UNC13C: variants seen among roughly 807,000 people sequenced by gnomAD.
UNC13C encodes the protein unc-13 homolog C.
UNC13C carries 174 observed loss-of-function variants against 245.4 expected under a neutral mutation model. That is an observed-to-expected ratio of 0.71 (90% CI 0.63 to 0.80). The LOEUF is 0.80. Ranked by LOEUF, UNC13C falls within the 30% of genes least tolerant of loss-of-function variation. UNC13C has a pLI of 0.00. For synonymous variants in UNC13C, 992 were observed against 895.1 expected, an observed-to-expected ratio of 1.11 and a Z score of -1.93; for missense variants, 2,829 against 2,602.9, an observed-to-expected ratio of 1.09 and a Z score of -1.89.
intron 3 of UNC13C, among the ~76,000 whole-genome samples, chr15:54,143,319 A>G (rs1390130830): frequency 6.6e-6 from 1 of 152,136 alleles, no homozygotes; most frequent in Non-Finnish European, 1.5e-5. Flanking sequence ...GCTAATCATG[A>G]CCTTTCTGAC....
At chr15:54,449,557 CTGATCAAATCAGCTACT>C (rs1189416385) in intron 19 of UNC13C, among the ~76,000 whole-genome samples, 1 of 152,204 alleles carries the variant, frequency 6.6e-6, no homozygotes, top group Non-Finnish European at 1.5e-5. Flanking sequence ...TTTCTTCCAG[CTGATCAAATCAGCTACT>C]GAAGCTTGTG....
At chr15:54,153,146 C>G (rs2032598141) in intron 4 of UNC13C, among the ~76,000 whole-genome samples, 1 of 152,084 alleles carries the variant, frequency 6.6e-6, no homozygotes, top group South Asian at 2.1e-4. Context: ...ACAACTTGCT[C>G]AAAGAACTGC....
chr15:53,948,895 G>C, the UNC13C span, among the ~76,000 whole-genome samples: 1 of 152,116 alleles, frequency 6.6e-6, no homozygotes, highest in Admixed American at 6.5e-5. Context: ...GGGGAATCCA[G>C]AGCCTTGCAT....
At chr15:54,291,153 G>GTGT (rs2037288640) in intron 10 of UNC13C, among the ~76,000 whole-genome samples, 1 of 151,910 alleles carries the variant, frequency 6.6e-6, no homozygotes, top group Non-Finnish European at 1.5e-5. Flanking sequence ...ATTACCAAAA[G>GTGT]TGTTATCATC....
intron 8 of UNC13C, among the ~76,000 whole-genome samples, chr15:54,252,401 C>T (rs1342555215): frequency 6.6e-6 from 1 of 152,036 alleles, no homozygotes; most frequent in East Asian, 1.9e-4. Flanking sequence ...CATTAAAATG[C>T]ACACATAAAT....
At chr15:54,135,033 T>C (rs2031658715) in intron 2 of UNC13C, among the ~76,000 whole-genome samples, 1 of 152,188 alleles carries the variant, frequency 6.6e-6, no homozygotes, top group African/African-American at 2.4e-5. Context: ...TGATATCTCA[T>C]TTTGGTTTTG....
intron 26 of UNC13C, among the ~76,000 whole-genome samples, chr15:54,538,149 A>AAAAAAAAAAAAAAAAAC (rs1896073415): frequency 6.9e-6 from 1 of 145,500 alleles, no homozygotes; most frequent in African/African-American, 2.5e-5. Flanking sequence ...AAAAAAAAAA[A>AAAAAAAAAAAAAAAAAC]AAAAAAAAAA....
intron 17 of UNC13C, among the ~76,000 whole-genome samples, chr15:54,354,480 C>T (rs977388567): frequency 3.3e-5 from 5 of 152,146 alleles, no homozygotes; most frequent in Admixed American, 3.3e-4. Flanking sequence ...CAGGATTACT[C>T]TGAAATGCAT....
At chr15:54,337,274 C>G (rs931178769) in intron 16 of UNC13C, among the ~76,000 whole-genome samples, 1 of 152,190 alleles carries the variant, frequency 6.6e-6, no homozygotes, top group Non-Finnish European at 1.5e-5. Context: ...TATCCATACT[C>G]AACCAGCGTT....
At chr15:54,186,389 G>A (rs1325069389) in intron 4 of UNC13C, among the ~76,000 whole-genome samples, 1 of 152,086 alleles carries the variant, frequency 6.6e-6, no homozygotes, top group East Asian at 1.9e-4. Flanking sequence ...TTTGCTGAAA[G>A]TCAATGAAGA....
intron 1 of UNC13C, among the ~76,000 whole-genome samples, chr15:54,000,525 A>T (rs1432845174): frequency 6.6e-6 from 1 of 152,170 alleles, no homozygotes; most frequent in Non-Finnish European, 1.5e-5. Flanking sequence ...ATTTTAGATG[A>T]TCTATCAAGT....
chr15:54,022,894 C>T (rs1895959712), intron 2 of UNC13C, among the ~76,000 whole-genome samples: 1 of 152,022 alleles, frequency 6.6e-6, no homozygotes, highest in Non-Finnish European at 1.5e-5. Context: ...AGAGATAAAG[C>T]CTAAAAGATC....
the UNC13C span, among the ~76,000 whole-genome samples, chr15:53,851,972 T>C: frequency 6.6e-6 from 1 of 152,216 alleles, no homozygotes; most frequent in African/African-American, 2.4e-5. Context: ...CTGGTGAATG[T>C]GCTTCCCTGA....
At chr15:54,148,853 G>A (rs1404897237) in intron 4 of UNC13C, among the ~76,000 whole-genome samples, 1 of 152,142 alleles carries the variant, frequency 6.6e-6, no homozygotes, top group East Asian at 1.9e-4. Context: ...TCTGAATCAG[G>A]TTTGCCAAAT....
intron 4 of UNC13C, among the ~76,000 whole-genome samples, chr15:54,171,671 C>T (rs542001632): frequency 1.3e-5 from 2 of 152,070 alleles, no homozygotes; most frequent in Non-Finnish European, 2.9e-5. Context: ...TAAATTAGTA[C>T]AACCACTTTG....
At chr15:53,993,359 A>AAG (rs1001794072) in intron 1 of UNC13C, among the ~76,000 whole-genome samples, 5 of 152,090 alleles carry the variant, frequency 3.3e-5, no homozygotes, top group African/African-American at 1.2e-4. Context: ...AAAGCAGCAG[A>AAG]AGAGAGAGAA....
intron 19 of UNC13C, among the ~76,000 whole-genome samples, chr15:54,476,643 G>C (rs895466905): frequency 6.6e-6 from 1 of 151,686 alleles, no homozygotes; most frequent in Admixed American, 6.6e-5. Flanking sequence ...GTTTCTGAGG[G>C]CTCTGTTCTG....
intron 30 of UNC13C, among the ~76,000 whole-genome samples, chr15:54,580,282 C>A (rs1898142435): frequency 6.6e-6 from 1 of 152,184 alleles, no homozygotes; most frequent in Non-Finnish European, 1.5e-5. Context: ...TACAGTTATC[C>A]TTTGGCACTG....
chr15:54,246,067 C>G (rs938355293), intron 7 of UNC13C, among the ~76,000 whole-genome samples: 4 of 152,150 alleles, frequency 2.6e-5, no homozygotes, highest in African/African-American at 9.7e-5. Context: ...AGTCATTGCT[C>G]TTGGCAGGTA....
Sources: gnomAD v4.1 joint callset for allele counts (sites outside exome capture counted in the v4.1 genomes callset) on GRCh38, gnomAD v4.1.1 for gene constraint, MANE v1.5 for transcripts, NCBI Gene and HGNC (gene_info 2026-07-23, HGNC 2026-07-21) for gene names.